The following PNLIP variants were observed in gnomAD, a reference collection of about 807,000 sequenced individuals.
PNLIP encodes the protein pancreatic triacylglycerol lipase.
PNLIP carries 49 observed loss-of-function variants against 57.1 expected under a neutral mutation model. The observed-to-expected ratio is 0.86, with a 90% confidence interval of 0.68 to 1.09. The LOEUF is 1.09. Among genes scored for constraint, PNLIP ranks in the 50% least tolerant of loss-of-function variants. The pLI, the probability that PNLIP is intolerant of heterozygous loss-of-function variation, is 0.00. For synonymous variants in PNLIP, 209 were observed against 200.4 expected, an observed-to-expected ratio of 1.04 and a Z score of -0.36; for missense variants, 503 against 570.2, an observed-to-expected ratio of 0.88 and a Z score of 1.20.
chr10:116,555,332 T>C lies in PNLIP; in HGVS notation c.691+35T>C, dbSNP rs763783563. 10 of 1,614,176 alleles carry C rather than the reference T, an allele frequency of 6.2e-6. No homozygotes were observed. The East Asian group carries it at 1.6e-4, about 25-fold the overall frequency. ...TCAACCCGTCCCCCAAAGGGTGTTA[T>C]AGTGTCTGAGTCTATATACATTAGC... On this transcript the variant is annotated intron_variant, in intron 7 of 12. Transcript: ENST00000369221.
At chr10:116,566,432 CAA>C (rs1250537934) in intron 12 of PNLIP, among the ~76,000 whole-genome samples, 12 of 151,972 alleles carry the variant, frequency 7.9e-5, no homozygotes, top group Admixed American at 7.9e-4. Flanking sequence ...GAAGCAATTA[CAA>C]AGAGGAAGAA....
chr10:116,549,280 A>G (rs1847163680), intron 4 of PNLIP, among the ~76,000 whole-genome samples: 2 of 152,048 alleles, frequency 1.3e-5, no homozygotes, highest in African/African-American at 4.8e-5. Context: ...GTTCGAGACC[A>G]TACTGGCTAA....
At chr10:116,557,319 G>GA (rs767900046) in intron 9 of PNLIP, among the ~76,000 whole-genome samples, 9 of 152,130 alleles carry the variant, frequency 5.9e-5, no homozygotes, top group African/African-American at 1.4e-4. Context: ...ACTTGTATAA[G>GA]AAAAAATGTC....
At chr10:116,561,275 G>A (rs2133207426) in intron 11 of PNLIP, among the ~76,000 whole-genome samples, 197 bp from the exon 12 acceptor site, 1 of 152,292 alleles carries the variant, frequency 6.6e-6, no homozygotes, top group Middle Eastern at 3.4e-3. Flanking sequence ...CACTGAGTTA[G>A]CATGCATGTC....
chr10:116,564,193 A>G (rs1847342567), intron 12 of PNLIP, among the ~76,000 whole-genome samples: 1 of 152,202 alleles, frequency 6.6e-6, no homozygotes, highest in Non-Finnish European at 1.5e-5. Context: ...TTTTACCACT[A>G]TACAATATAT....
intron 11 of PNLIP, among the ~76,000 whole-genome samples, chr10:116,561,166 A>T (rs1204694557): frequency 6.6e-6 from 1 of 152,198 alleles, no homozygotes; most frequent in African/African-American, 2.4e-5. Context: ...GCATACTCTC[A>T]TCATTTATTA....
At chr10:116,567,394 TG>T (rs1238296934) in intron 12 of PNLIP, among the ~76,000 whole-genome samples, 1 of 152,204 alleles carries the variant, frequency 6.6e-6, no homozygotes, top group Non-Finnish European at 1.5e-5. Flanking sequence ...CTTTATACAC[TG>T]GGCTGATTTC....
At chr10:116,553,507 C>G (rs1406381083) in intron 5 of PNLIP, among the ~76,000 whole-genome samples, 1 of 152,196 alleles carries the variant, frequency 6.6e-6, no homozygotes, top group Non-Finnish European at 1.5e-5. Context: ...GTACACAGAA[C>G]AGTAACATGC....
Position 116,561,528 on chromosome 10 carries a change from T to C in PNLIP, c.1226T>C (p.Val409Ala), listed in dbSNP as rs534482637. Reference protein sequence around the residue: ...HSNEFDSDVDVGDLQMVKFIW... With the variant: ...HSNEFDSDVDAGDLQMVKFIW... ...AATGAATTTGACTCAGATGTGGATGTTGGGGACTTGCAGATGGTTAAATTT... is the reference window on the plus strand; with the variant it reads ...AATGAATTTGACTCAGATGTGGATGCTGGGGACTTGCAGATGGTTAAATTT... Residue 409 changes from valine (V) to alanine (A), a missense_variant, in exon 12 of 13, where the codon GTT becomes GCT. By Grantham distance (64) the Val-to-Ala change is moderately conservative. Coordinates refer to ENST00000369221, the MANE Select transcript of PNLIP (RefSeq NM_000936.4). 2.5e-6 allele frequency: 4 copies of C among 1,613,868 alleles called. No individual in the cohort carries two copies. In the Admixed American group the frequency reaches 6.7e-5, roughly 27 times the overall value.
intron 5 of PNLIP, among the ~76,000 whole-genome samples, chr10:116,552,645 G>A (rs575858909): frequency 6.6e-6 from 1 of 152,174 alleles, no homozygotes; most frequent in Non-Finnish European, 1.5e-5. Context: ...CCAGCACTTT[G>A]GGAGGCCGAG....
chr10:116,557,456 T>C (rs1202296557), intron 9 of PNLIP, among the ~76,000 whole-genome samples: 5 of 152,104 alleles, frequency 3.3e-5, no homozygotes, highest in Admixed American at 2.0e-4. Flanking sequence ...TGGGAGTCCA[T>C]GGGTGTAAAG....
In PNLIP at chr10:116,545,972, A is replaced by G. The variant is rs755523403; in HGVS notation, c.-1+14A>G. ...GGAACTGCCACGGTGAGTCGGGAAC[A>G]TGTTTTCCAGGCCTAATTGATCAGA... On this transcript the variant is annotated intron_variant, in intron 1 of 12. Coordinates refer to ENST00000369221, the MANE Select transcript of PNLIP (RefSeq NM_000936.4). The G allele has an allele frequency of 1.1e-5, 9 of 826,810 alleles. No individual in the cohort carries two copies. The highest frequency in any genetic ancestry group is 1.8e-5 in the Non-Finnish European group (9 of 487,676). 51.2% of individuals were successfully genotyped at this position (826,810 alleles called of 1,614,324 possible). A position where few individuals can be genotyped will look rare whatever the true frequency, so the allele number is the denominator to read the frequency against.
chr10:116,555,065 A>G (rs1847237526), intron 6 of PNLIP, 113 bp from the exon 7 acceptor site: 2 of 1,185,798 alleles, frequency 1.7e-6, no homozygotes, highest in Admixed American at 1.9e-5. Flanking sequence ...TCTTCAGCAA[A>G]TGGTCAGGTA....
rs116600995 is a variant in PNLIP at position 116,553,108 on chromosome 10, T to C, written c.460-619T>C. On this transcript the variant is annotated intron_variant, in intron 5 of 12. Coordinates refer to ENST00000369221, the MANE Select transcript of PNLIP (RefSeq NM_000936.4). ...CCTCTACAGATCTACCACTTCAGAA[T>C]TTTTTTATTTTTTTTCAGACAGAGT... is the stretch of plus-strand genomic sequence containing the variant. 2.8e-3 allele frequency among the ~76,000 whole-genome samples: 426 copies of C among 152,258 alleles called. 2 individuals carry two copies. The highest frequency in any genetic ancestry group is 9.7e-3 in the African/African-American group (404 of 41,556).
intron 9 of PNLIP, among the ~76,000 whole-genome samples, chr10:116,557,217 A>G (rs1002195233): frequency 6.6e-6 from 1 of 152,196 alleles, no homozygotes; most frequent in Non-Finnish European, 1.5e-5. Context: ...GGGGAAAAAA[A>G]TAAAGAAGCA....
At chr10:116,551,489 C>T (rs1165356513) in intron 5 of PNLIP, among the ~76,000 whole-genome samples, 2 of 152,144 alleles carry the variant, frequency 1.3e-5, no homozygotes, top group Admixed American at 6.5e-5. Context: ...ATAAATTCCA[C>T]GAGTATTTGT....
intron 5 of PNLIP, among the ~76,000 whole-genome samples, chr10:116,553,421 G>A (rs1292579315): frequency 6.6e-6 from 1 of 152,100 alleles, no homozygotes; most frequent in Non-Finnish European, 1.5e-5. Context: ...CATTTATACC[G>A]TATTTTTGCT....
In PNLIP at chr10:116,565,993, G is replaced by GTTT. The variant is rs1288915856; in HGVS notation, c.1335-1742_1335-1741insTTT. Among the ~76,000 whole-genome samples, 11 of 152,214 alleles carry GTTT rather than the reference G, an allele frequency of 7.2e-5. No individual in the cohort carries two copies. The South Asian group carries it at 2.1e-3, about 29-fold the overall frequency. On this transcript the variant is annotated intron_variant, in intron 12 of 12. Coordinates refer to ENST00000369221, the MANE Select transcript of PNLIP (RefSeq NM_000936.4). ...CCAGCTAATTTTTGTATTTTTAGTTGAGACTGGTTTTCGTCATGTTGGCCA... is the reference window on the plus strand; with the variant it reads ...CCAGCTAATTTTTGTATTTTTAGTTGTTTAGACTGGTTTTCGTCATGTTGGCCA...
At chr10:116,548,270 C>A in intron 3 of PNLIP, 90 bp from the exon 4 acceptor site, 2 of 1,218,804 alleles carry the variant, frequency 1.6e-6, no homozygotes, top group Non-Finnish European at 2.3e-6. Flanking sequence ...TGAATCCTAG[C>A]AGTCTTCTAC....
Sources: allele counts gnomAD v4.1 joint callset (sites outside exome capture counted in the v4.1 genomes callset), GRCh38; gene constraint gnomAD v4.1.1; transcripts MANE v1.5; gene names NCBI Gene and HGNC (gene_info 2026-07-23, HGNC 2026-07-21).